MGMT: variants seen among roughly 807,000 people sequenced by gnomAD.
MGMT encodes O-6-methylguanine-DNA methyltransferase, also known as methylated-DNA--protein-cysteine methyltransferase.
MGMT carries 14 observed loss-of-function variants against 15.9 expected under a neutral mutation model. The observed-to-expected ratio is 0.88, with a 90% confidence interval of 0.58 to 1.37. The LOEUF (loss-of-function observed/expected upper bound fraction) is 1.37. Ranked by LOEUF, MGMT falls within the 40% of genes most tolerant of loss-of-function variation. MGMT has a pLI of 0.00. For missense variants in MGMT, 282 were observed against 268.1 expected (o/e 1.05, Z -0.36); for synonymous variants, 130 against 118.2 (o/e 1.10, Z -0.65).
At chr10:129,626,302 C>T (rs779366296) in intron 2 of MGMT, among the ~76,000 whole-genome samples, 3 of 152,218 alleles carry the variant, frequency 2.0e-5, no homozygotes, top group Non-Finnish European at 4.4e-5. Flanking sequence ...ATCCCACCCG[C>T]ATTTTGGGTC....
At chr10:129,484,015 T>A (rs1026088796) in intron 1 of MGMT, among the ~76,000 whole-genome samples, 10 of 152,202 alleles carry the variant, frequency 6.6e-5, no homozygotes, top group Non-Finnish European at 1.5e-5. Context: ...TAAATAATTT[T>A]GTGCATGTTA....
chr10:129,711,408 T>C (rs1490507636), intron 3 of MGMT, among the ~76,000 whole-genome samples: 1 of 152,190 alleles, frequency 6.6e-6, no homozygotes, highest in African/African-American at 2.4e-5. Flanking sequence ...GAAGCTGCCT[T>C]TCCCGACCGG....
At chr10:129,606,994 G>A (rs528513500) in intron 2 of MGMT, among the ~76,000 whole-genome samples, 4 of 152,262 alleles carry the variant, frequency 2.6e-5, no homozygotes, top group African/African-American at 7.2e-5. Flanking sequence ...GGGAAAGCCC[G>A]TTTTTTCTCT....
chr10:129,530,925 T>A (rs2119748260), intron 1 of MGMT, among the ~76,000 whole-genome samples: 1 of 151,978 alleles, frequency 6.6e-6, no homozygotes, highest in South Asian at 2.1e-4. Flanking sequence ...CTGCCCACAC[T>A]CTCCCCCCGA....
At chr10:129,554,037 A>G (rs144922036) in intron 2 of MGMT, among the ~76,000 whole-genome samples, 3 of 152,336 alleles carry the variant, frequency 2.0e-5, no homozygotes, top group Non-Finnish European at 4.4e-5. Flanking sequence ...GGCAGCTGTT[A>G]TGTGACCATG....
At position 129,683,314 on chromosome 10, in the gene MGMT, C is replaced by G. The variant is rs1051141716; in HGVS notation, c.126-24581C>G. Reference sequence around the variant, plus strand: ...GCCCTAAAGCCAAAAGGTGATATTCCCCCTGAAATTTAGGAAAGAAAGGAA... The same window carrying G: ...GCCCTAAAGCCAAAAGGTGATATTCGCCCTGAAATTTAGGAAAGAAAGGAA... On this transcript the variant is annotated intron_variant, in intron 2 of 4. Transcript: ENST00000651593. 3.9e-5 allele frequency among the ~76,000 whole-genome samples: 6 copies of G among 152,068 alleles called. No individual in the cohort carries two copies. In the East Asian group the frequency reaches 1.2e-3, roughly 29 times the overall value.
intron 2 of MGMT, among the ~76,000 whole-genome samples, chr10:129,615,831 A>G (rs1564737982): frequency 6.6e-6 from 1 of 152,168 alleles, no homozygotes. Flanking sequence ...GGGGAGAGAC[A>G]GGAAGGGTCC....
At chr10:129,653,115 G>A (rs1432248771) in intron 2 of MGMT, among the ~76,000 whole-genome samples, 15 of 152,140 alleles carry the variant, frequency 9.9e-5, no homozygotes, top group South Asian at 6.2e-4. Flanking sequence ...AACATGGTCC[G>A]GGTTATACAC....
At chr10:129,588,842 G>A (rs1317440348) in intron 2 of MGMT, among the ~76,000 whole-genome samples, 1 of 152,272 alleles carries the variant, frequency 6.6e-6, no homozygotes, top group South Asian at 2.1e-4. Flanking sequence ...TTACCACGTT[G>A]AATATTGCAT....
chr10:129,555,641 G>A (rs917558267), intron 2 of MGMT, among the ~76,000 whole-genome samples: 2 of 152,156 alleles, frequency 1.3e-5, no homozygotes, highest in Non-Finnish European at 2.9e-5. Context: ...CTTGAGCCCA[G>A]GAGTTCAGAG....
intron 1 of MGMT, among the ~76,000 whole-genome samples, chr10:129,514,782 C>T (rs747061946): frequency 9.2e-5 from 14 of 152,338 alleles, no homozygotes; most frequent in South Asian, 2.1e-4. Flanking sequence ...AATCTGCCGG[C>T]GCCTTGGTCT....
intron 3 of MGMT, among the ~76,000 whole-genome samples, chr10:129,729,730 A>T (rs1848475164): frequency 6.6e-6 from 1 of 152,212 alleles, no homozygotes; most frequent in South Asian, 2.1e-4. Flanking sequence ...CGTGGTAAAG[A>T]ATAATTCATT....
At chr10:129,555,463 CA>C (rs897299568) in intron 2 of MGMT, among the ~76,000 whole-genome samples, 16 of 152,140 alleles carry the variant, frequency 1.1e-4, no homozygotes, top group Non-Finnish European at 1.9e-4. Flanking sequence ...GTAATCCCAG[CA>C]CTTTGGGAGG....
At chr10:129,608,610 G>A (rs750472315) in intron 2 of MGMT, among the ~76,000 whole-genome samples, 7 of 152,320 alleles carry the variant, frequency 4.6e-5, no homozygotes, top group Non-Finnish European at 8.8e-5. Context: ...ATCTCTCTGC[G>A]TATAATTATA....
chr10:129,503,599 G>A lies in MGMT; in HGVS notation c.-12-32642G>A, dbSNP rs117533499. On this transcript the variant is annotated intron_variant, in intron 1 of 4. Coordinates refer to ENST00000651593, the MANE Select transcript of MGMT (RefSeq NM_002412.5). Reference sequence around the variant, plus strand: ...TTAAAAAAGAGACTGTTTCTGTTGAGGGTGATTGTGCTTTTGAAATTAAGT... The same window carrying A: ...TTAAAAAAGAGACTGTTTCTGTTGAAGGTGATTGTGCTTTTGAAATTAAGT... Among the ~76,000 whole-genome samples, 340 of 152,338 alleles carry A rather than the reference G, an allele frequency of 2.2e-3. 1 individual carries two copies. The highest frequency in any genetic ancestry group is 3.9e-3 in the Non-Finnish European group (264 of 68,030).
At chr10:129,724,923 A>G (rs1848414663) in intron 3 of MGMT, among the ~76,000 whole-genome samples, 1 of 152,210 alleles carries the variant, frequency 6.6e-6, no homozygotes, top group East Asian at 1.9e-4. Context: ...ACAACCTAGT[A>G]TGGCCTCAGC....
intron 2 of MGMT, among the ~76,000 whole-genome samples, chr10:129,572,951 TA>T (rs1192162400): frequency 1.1e-4 from 16 of 152,342 alleles, no homozygotes; most frequent in African/African-American, 3.1e-4. Context: ...GAAGCAAAGT[TA>T]ATTGTGGAAC....
intron 2 of MGMT, among the ~76,000 whole-genome samples, chr10:129,552,992 T>G (rs1589863032): frequency 6.6e-6 from 1 of 152,202 alleles, no homozygotes; most frequent in Non-Finnish European, 1.5e-5. Context: ...AGTAAAAACA[T>G]TTTACTTGTT....
chr10:129,535,815 T>A (rs1404259480), intron 1 of MGMT, among the ~76,000 whole-genome samples: 2 of 152,260 alleles, frequency 1.3e-5, no homozygotes, highest in African/African-American at 4.8e-5. Context: ...TGCTTCATTC[T>A]AAAATGTACT....
Sources: allele counts gnomAD v4.1 joint callset (sites outside exome capture counted in the v4.1 genomes callset), GRCh38; gene constraint gnomAD v4.1.1; transcripts MANE v1.5; gene names NCBI Gene and HGNC (gene_info 2026-07-23, HGNC 2026-07-21).